The following PTTG1IP variants were observed in gnomAD, a reference collection of about 807,000 sequenced individuals.
The protein encoded by PTTG1IP is pituitary tumor-transforming gene 1 protein-interacting protein.
Under a neutral mutation model 24.4 loss-of-function variants are expected in PTTG1IP, and 16 were observed. That is an observed-to-expected ratio of 0.66 (90% CI 0.44 to 1.00). The LOEUF (loss-of-function observed/expected upper bound fraction) is 1.00, where lower values mean the gene tolerates loss of function less well. Ranked by LOEUF, PTTG1IP falls within the 50% of genes least tolerant of loss-of-function variation. The probability of loss-of-function intolerance (pLI) is 0.00; values close to 1 mark genes in which losing one functional copy is unlikely to be tolerated. For missense variants in PTTG1IP, 241 were observed against 245.8 expected (o/e 0.98, Z 0.13); for synonymous variants, 89 against 96.8 (o/e 0.92, Z 0.47).
chr21:44,861,976 G>A (rs370918948), intron 2 of PTTG1IP: 4 of 644,634 alleles, frequency 6.2e-6, no homozygotes, highest in East Asian at 2.7e-5. Context: ...GGCTCAGCCC[G>A]CCCTAAACTG....
At chr21:44,866,655 CACAG>C (rs1257426244) in intron 1 of PTTG1IP, among the ~76,000 whole-genome samples, 1 of 144,364 alleles carries the variant, frequency 6.9e-6, no homozygotes, top group African/African-American at 2.7e-5. Context: ...CACACACACA[CACAG>C]ACTGCCTACT....
chr21:44,854,525 T>G (rs112192808), intron 5 of PTTG1IP, among the ~76,000 whole-genome samples: 97 of 152,234 alleles, frequency 6.4e-4, no homozygotes, highest in African/African-American at 2.3e-3. Context: ...CTAGACTCTT[T>G]GCGGACTTTA....
chr21:44,873,481 C>T, intron 1 of PTTG1IP, 21 bp downstream of exon 1: 2 of 1,375,202 alleles, frequency 1.5e-6, no homozygotes, highest in Non-Finnish European at 1.9e-6. Context: ...TTCGCGGCCC[C>T]GCCCGCCCCG....
At chr21:44,861,909 T>C in intron 2 of PTTG1IP, 1 of 710,612 alleles carries the variant, frequency 1.4e-6, no homozygotes, top group Non-Finnish European at 2.6e-6. Context: ...CCATGCTTCC[T>C]ACCTCTGACC....
At chr21:44,852,921 C>A (rs2083421445) in intron 5 of PTTG1IP, among the ~76,000 whole-genome samples, 1 of 152,188 alleles carries the variant, frequency 6.6e-6, no homozygotes, top group African/African-American at 2.4e-5. Flanking sequence ...AAAGCACAGG[C>A]CATTCAATGG....
chr21:44,871,074 T>A (rs777703206), intron 1 of PTTG1IP, among the ~76,000 whole-genome samples: 1 of 152,222 alleles, frequency 6.6e-6, no homozygotes, highest in African/African-American at 2.4e-5. Context: ...GGAGAACAAC[T>A]ACATTGTCAA....
At position 44,861,103 on chromosome 21, in the gene PTTG1IP, ATAC is replaced by A. The variant is rs1376519825; in HGVS notation, c.277+57_277+59del. The stretch of plus-strand genomic sequence containing the variant: ...AGACGTGAGCCACCGCGCCCGGCCC[ATAC>A]TACTATTTTCAAAGAAGCATCGATT... On this transcript the variant is annotated intron_variant, in intron 3 of 5. Coordinates refer to ENST00000330938, the MANE Select transcript of PTTG1IP (RefSeq NM_004339.4). The A allele has an allele frequency of 1.1e-5, 17 of 1,487,424 alleles. 1 individual carries two copies. In the South Asian group the frequency reaches 1.5e-4, roughly 13 times the overall value. The allele number at this position is 1,487,424 out of a possible 1,614,324, so 92.1% of individuals were successfully genotyped here.
chr21:44,855,202 G>A lies in PTTG1IP; in HGVS notation c.496+8C>T, dbSNP rs770572398. 12 of 1,607,302 alleles carry A rather than the reference G, an allele frequency of 7.5e-6. No individual in the cohort carries two copies. Among genetic ancestry groups the A allele is most frequent in the African/African-American group, 5.4e-5 (4 of 74,710 alleles). ...ACCAGACAAAAAGGAGGCGTGACCA[G>A]TCCTTACCATATTTTTTTCTGATTT... On this transcript the variant is annotated splice_region_variant and intron_variant, in intron 5 of 5. Coordinates refer to ENST00000330938, the MANE Select transcript of PTTG1IP (RefSeq NM_004339.4).
chr21:44,861,233 G>T lies in PTTG1IP; in HGVS notation c.207C>A (p.Tyr69Ter). ...CCGGTGGCAAGACGCTTGTAACTGG[G>T]TAGTCCAGACAAGCCTTGTTAGTGT... ...WCNTNKACLD[Y>*]PVTSVLPPAS... Residue 69 changes from tyrosine to a stop codon, truncating the protein, a stop_gained, in exon 3 of 6, where the codon TAC becomes TAA. Transcript: ENST00000330938. LOFTEE classifies it high-confidence loss of function. The T allele has an allele frequency of 6.2e-7, 1 of 1,614,092 alleles. No homozygotes were observed. Among genetic ancestry groups the T allele is most frequent in the Non-Finnish European group, 8.5e-7 (1 of 1,179,958 alleles).
chr21:44,864,045 T>C (rs574445638), intron 2 of PTTG1IP, among the ~76,000 whole-genome samples: 1 of 152,284 alleles, frequency 6.6e-6, no homozygotes, highest in Non-Finnish European at 1.5e-5. Context: ...ATCGAATACA[T>C]CTTTCCCGGC....
chr21:44,861,348 C>T, intron 2 of PTTG1IP, 77 bp from the exon 3 acceptor site: 5 of 1,245,080 alleles, frequency 4.0e-6, no homozygotes, highest in South Asian at 1.3e-5. Flanking sequence ...GCCCACAGCC[C>T]GCCAGTGCTG....
At chr21:44,872,599 T>C (rs183946737) in intron 1 of PTTG1IP, among the ~76,000 whole-genome samples, 1 of 152,250 alleles carries the variant, frequency 6.6e-6, no homozygotes, top group Non-Finnish European at 1.5e-5. Context: ...GCTTAGAACC[T>C]GCTGGATTTT....
chr21:44,862,312 A>C (rs1489514142), intron 2 of PTTG1IP, among the ~76,000 whole-genome samples: 2 of 152,194 alleles, frequency 1.3e-5, no homozygotes, highest in East Asian at 3.8e-4. Context: ...CTGAGGTCAG[A>C]AGTTCGGGAT....
chr21:44,868,285 G>A (rs929374656), intron 1 of PTTG1IP, among the ~76,000 whole-genome samples: 1 of 152,198 alleles, frequency 6.6e-6, no homozygotes. Flanking sequence ...AAAGACCCCC[G>A]TGGTGCTGCA....
intron 2 of PTTG1IP, among the ~76,000 whole-genome samples, chr21:44,864,387 C>CGTTTTT (rs201291732): frequency 9.9e-5 from 15 of 152,268 alleles, no homozygotes; most frequent in Middle Eastern, 3.4e-3. Context: ...CCTGTTCACA[C>CGTTTTT]GTTTTTGTTT....
intron 5 of PTTG1IP, among the ~76,000 whole-genome samples, chr21:44,854,629 T>C (rs111569957): frequency 9.2e-5 from 14 of 152,356 alleles, no homozygotes; most frequent in African/African-American, 2.4e-4. Context: ...GATAACGTAA[T>C]GTGTATTTCC....
intron 4 of PTTG1IP, 133 bp downstream of exon 4, chr21:44,856,060 C>A: frequency 9.0e-6 from 14 of 1,552,106 alleles, no homozygotes; most frequent in Non-Finnish European, 1.2e-5. Flanking sequence ...CTAGAAGATC[C>A]CCTGGGCACT....
At chr21:44,871,953 C>T (rs1199332945) in intron 1 of PTTG1IP, among the ~76,000 whole-genome samples, 2 of 152,174 alleles carry the variant, frequency 1.3e-5, no homozygotes, top group African/African-American at 4.8e-5. Context: ...ATGGCAGTTC[C>T]GGATTAATTC....
At position 44,873,491 on chromosome 21, in the gene PTTG1IP, G is replaced by A. The variant is rs1008063591; in HGVS notation, c.115+11C>T. On this transcript the variant is annotated intron_variant, in intron 1 of 5. Transcript: ENST00000330938. ...CCCCCTTCGCGGCCCCGCCCGCCCCGGCGCCCTCACCAGCTCCGGGAGGCT... is the reference window on the plus strand; with the variant it reads ...CCCCCTTCGCGGCCCCGCCCGCCCCAGCGCCCTCACCAGCTCCGGGAGGCT... The A allele has an allele frequency of 7.2e-7, 1 of 1,392,370 alleles. No homozygotes were observed. Among genetic ancestry groups the A allele is most frequent in the Non-Finnish European group, 9.3e-7 (1 of 1,078,546 alleles). 86.3% of individuals were successfully genotyped at this position (1,392,370 alleles called of 1,614,324 possible).
Sources: allele counts gnomAD v4.1 joint callset (sites outside exome capture counted in the v4.1 genomes callset), GRCh38; gene constraint gnomAD v4.1.1; transcripts MANE v1.5; gene names NCBI Gene and HGNC (gene_info 2026-07-23, HGNC 2026-07-21).